Variants in PRKAR1A observed in about 807,000 individuals in gnomAD.
The protein encoded by PRKAR1A is cAMP-dependent protein kinase type I-alpha regulatory subunit.
PRKAR1A carries 3 observed loss-of-function variants against 52.0 expected under a neutral mutation model. The ratio of observed to expected loss-of-function variants is 0.06; its 90% CI spans 0.03 to 0.15. PRKAR1A has a LOEUF of 0.15. Among genes scored for constraint, PRKAR1A ranks in the 10% least tolerant of loss-of-function variants. PRKAR1A has a pLI of 1.00. For missense variants in PRKAR1A, 240 were observed against 477.4 expected (o/e 0.50, Z 4.63); for synonymous variants, 188 against 168.4 (o/e 1.12, Z -0.90).
chr17:68,419,539 T>C, the PRKAR1A span, among the ~76,000 whole-genome samples: 2 of 152,156 alleles, frequency 1.3e-5, no homozygotes, highest in Non-Finnish European at 2.9e-5. Flanking sequence ...ATTGTGCCAT[T>C]GCACTCCAGC....
rs750194548 is a variant in PRKAR1A at position 68,522,716 on chromosome 17, G to A, written c.178-40G>A. 33 of 1,608,826 alleles carry A rather than the reference G, an allele frequency of 2.1e-5. 2 individuals are homozygous for A. The South Asian group carries it at 3.3e-4, about 16-fold the overall frequency. ...GAACATGAGAGTGCCAGCTTTACAT[G>A]CCGAAGGATCTCATTTTGCAAACTC... On this transcript the variant is annotated intron_variant, in intron 2 of 10. Transcript: ENST00000589228.
the PRKAR1A span, among the ~76,000 whole-genome samples, chr17:68,453,322 A>G: frequency 6.6e-6 from 1 of 152,242 alleles, no homozygotes. Flanking sequence ...TTGAATGTTT[A>G]AGAATATTCA....
intron 10 of PRKAR1A, 43 bp from the exon 11 acceptor site, chr17:68,530,234 T>G (rs1369110504): frequency 6.2e-7 from 1 of 1,607,114 alleles, no homozygotes; most frequent in Non-Finnish European, 8.5e-7. Flanking sequence ...AAGGAAATGT[T>G]TTTCATAGAA....
intron 11 of PRKAR1A, among the ~76,000 whole-genome samples, chr17:68,549,451 G>A (rs371017285): frequency 1.1e-4 from 16 of 149,836 alleles, no homozygotes; most frequent in Admixed American, 4.0e-4. Context: ...CCGAGATAGC[G>A]CCACTGCACT....
chr17:68,429,790 C>T, the PRKAR1A span, among the ~76,000 whole-genome samples: 2 of 152,122 alleles, frequency 1.3e-5, no homozygotes, highest in African/African-American at 2.4e-5. Context: ...GATTTCACCA[C>T]GTTGGCCAGG....
At chr17:68,435,247 T>G in the PRKAR1A span, among the ~76,000 whole-genome samples, 4 of 152,210 alleles carry the variant, frequency 2.6e-5, no homozygotes, top group East Asian at 7.7e-4. Flanking sequence ...TTTCTCTGAT[T>G]ATTCCAGGCA....
At chr17:68,506,475 CTG>C in the PRKAR1A span, among the ~76,000 whole-genome samples, 2 of 150,166 alleles carry the variant, frequency 1.3e-5, no homozygotes, top group African/African-American at 4.9e-5. Flanking sequence ...CCCCTTCAGA[CTG>C]TGAAATTTTT....
chr17:68,527,803 G>A lies in PRKAR1A; in HGVS notation c.709-37G>A, dbSNP rs191068111. ...TAGCATTATGTGGTGATAATTACAC[G>A]TCTTGGGGATATCACTTTTGTTATT... On this transcript the variant is annotated intron_variant, in intron 7 of 10. Coordinates refer to ENST00000589228, the MANE Select transcript of PRKAR1A (RefSeq NM_002734.5). 37 of 1,510,260 alleles carry A rather than the reference G, an allele frequency of 2.4e-5. No homozygotes were observed. In the African/African-American group the frequency reaches 2.6e-4, roughly 11 times the overall value. The allele number at this position is 1,510,260 out of a possible 1,614,324, so 93.6% of individuals were successfully genotyped here.
At chr17:68,504,688 G>C in the PRKAR1A span, among the ~76,000 whole-genome samples, 1 of 152,170 alleles carries the variant, frequency 6.6e-6, no homozygotes, top group South Asian at 2.1e-4. Context: ...CCAGTGGCTG[G>C]GAAGTGTAGC....
chr17:68,511,920 G>A (rs952587390), upstream of PRKAR1A: 1 of 152,224 alleles, frequency 6.6e-6, no homozygotes, highest in African/African-American at 2.4e-5. Context: ...CAGGGGCTGC[G>A]GGGAGGAGTC....
rs766440476 is a variant in PRKAR1A at position 68,525,751 on chromosome 17, T to C, written c.550-3T>C. On this transcript the variant is annotated splice_polypyrimidine_tract_variant and splice_region_variant and intron_variant, in intron 6 of 10. Coordinates refer to ENST00000589228, the MANE Select transcript of PRKAR1A (RefSeq NM_002734.5). ...AACTTTTTTGATGTCACTTGCACTTTAGGTCTATGTTAACAATGAATGGGC... is the reference window on the plus strand; with the variant it reads ...AACTTTTTTGATGTCACTTGCACTTCAGGTCTATGTTAACAATGAATGGGC... The C allele has an allele frequency of 8.1e-6, 13 of 1,613,856 alleles. No individual in the cohort carries two copies. In the South Asian group the frequency reaches 1.2e-4, roughly 15 times the overall value.
the PRKAR1A span, chr17:68,440,959 C>G: frequency 6.6e-6 from 1 of 152,204 alleles, no homozygotes; most frequent in Non-Finnish European, 1.5e-5. Context: ...AAAAGGGAAG[C>G]ATTTATACCA....
chr17:68,488,186 C>G, the PRKAR1A span, among the ~76,000 whole-genome samples: 1 of 152,068 alleles, frequency 6.6e-6, no homozygotes, highest in Non-Finnish European at 1.5e-5. Context: ...GTGGAGGGAA[C>G]AGCCTGCCCT....
chr17:68,445,717 C>T, the PRKAR1A span, among the ~76,000 whole-genome samples: 2 of 152,196 alleles, frequency 1.3e-5, no homozygotes, highest in Admixed American at 6.5e-5. Flanking sequence ...AGGAATATAA[C>T]GCATAGCCCA....
At chr17:68,485,567 T>C in the PRKAR1A span, among the ~76,000 whole-genome samples, 1 of 152,114 alleles carries the variant, frequency 6.6e-6, no homozygotes, top group Non-Finnish European at 1.5e-5. Context: ...ATGATGATAA[T>C]GCCCGCACCA....
Position 68,532,381 on chromosome 17 carries a change from TA to T in PRKAR1A, c.*1933del. The T allele has an allele frequency of 3.8e-6, 4 of 1,056,392 alleles. No individual in the cohort carries two copies. The highest frequency in any genetic ancestry group is 4.6e-6 in the Non-Finnish European group (4 of 870,982). 65.4% of individuals were successfully genotyped at this position (1,056,392 alleles called of 1,614,324 possible). A position where few individuals can be genotyped will look rare whatever the true frequency, so the allele number is the denominator to read the frequency against. ...CGTATAATGCTTTCTGAGTGAGTTTTACTCTTAAATCATTTGGTTAAATCAT... is the reference window on the plus strand; with the variant it reads ...CGTATAATGCTTTCTGAGTGAGTTTTCTCTTAAATCATTTGGTTAAATCAT... On this transcript the variant is annotated 3_prime_UTR_variant, in exon 11 of 11. Transcript: ENST00000589228.
the PRKAR1A span, among the ~76,000 whole-genome samples, chr17:68,458,049 A>G: frequency 1.9e-4 from 29 of 151,980 alleles, no homozygotes; most frequent in Non-Finnish European, 4.3e-4. Context: ...AGAGTTTAGC[A>G]GAGAGCGTTA....
At chr17:68,533,618 T>C (rs1039980627), downstream of PRKAR1A, among the ~76,000 whole-genome samples, 1 of 152,238 alleles carries the variant, frequency 6.6e-6, no homozygotes, top group East Asian at 1.9e-4. Context: ...CCTTTTGTAC[T>C]TATGTTAGGC....
the PRKAR1A span, among the ~76,000 whole-genome samples, chr17:68,488,491 G>T: frequency 2.6e-5 from 4 of 152,042 alleles, no homozygotes; most frequent in Non-Finnish European, 4.4e-5. Context: ...ACTTTGGGAG[G>T]CCGAGGTGGG....
Sources: allele counts gnomAD v4.1 joint callset (sites outside exome capture counted in the v4.1 genomes callset), GRCh38; gene constraint gnomAD v4.1.1; transcripts MANE v1.5; gene names NCBI Gene and HGNC (gene_info 2026-07-23, HGNC 2026-07-21).